The following NIPBL variants were observed in gnomAD, a reference collection of about 807,000 sequenced individuals.
NIPBL encodes NIPBL cohesin loading factor.
In NIPBL, 19 loss-of-function variants were observed where a neutral mutation model predicts 321.8. That is an observed-to-expected ratio of 0.06 (90% confidence interval 0.04 to 0.09). The LOEUF (loss-of-function observed/expected upper bound fraction) is 0.09. NIPBL is among the 10% of genes least tolerant of loss of function. The pLI, the probability that NIPBL is intolerant of heterozygous loss-of-function variation, is 1.00. For missense variants in NIPBL, 2,210 were observed against 3,327.0 expected (o/e 0.66, Z 8.26); for synonymous variants, 1,106 against 1,114.1 (o/e 0.99, Z 0.14).
intron 1 of NIPBL, among the ~76,000 whole-genome samples, chr5:36,909,913 T>A (rs1293567023): frequency 6.6e-6 from 1 of 151,940 alleles, no homozygotes; most frequent in Non-Finnish European, 1.5e-5. Flanking sequence ...CCGCCTTTAC[T>A]CAAAATACAA....
At chr5:37,029,615 G>A (rs539101529) in intron 32 of NIPBL, among the ~76,000 whole-genome samples, 2 of 152,248 alleles carry the variant, frequency 1.3e-5, no homozygotes, top group South Asian at 2.1e-4. Flanking sequence ...TATGGTGAGT[G>A]AGAAACTGCC....
intron 1 of NIPBL, among the ~76,000 whole-genome samples, chr5:36,879,430 A>C (rs939848846): frequency 1.3e-5 from 2 of 152,220 alleles, no homozygotes; most frequent in African/African-American, 4.8e-5. Context: ...CATTTCTTTA[A>C]ATTTAAAAAT....
chr5:36,956,575 T>C (rs1434647755), intron 3 of NIPBL, among the ~76,000 whole-genome samples: 1 of 150,462 alleles, frequency 6.6e-6, no homozygotes, highest in Non-Finnish European at 1.5e-5. Flanking sequence ...ATACTACTAA[T>C]ATTTTGTCAC....
intron 9 of NIPBL, among the ~76,000 whole-genome samples, chr5:36,983,540 T>C (rs3776588): frequency 0.12 from 18,566 of 151,988 alleles, 1,226 homozygotes; most frequent in Admixed American, 0.19. Context: ...ATATGATATA[T>C]CACATTAGTG....
At chr5:36,940,927 T>C (rs1032402201) in intron 1 of NIPBL, among the ~76,000 whole-genome samples, 1 of 152,186 alleles carries the variant, frequency 6.6e-6, no homozygotes, top group African/African-American at 2.4e-5. Context: ...AATTATATGT[T>C]TCGTAGTGAT....
chr5:37,038,497 C>T, intron 33 of NIPBL, 105 bp from the exon 34 acceptor site: 1 of 957,324 alleles, frequency 1.0e-6, no homozygotes, highest in Non-Finnish European at 1.6e-6. Flanking sequence ...GAGGCCTATA[C>T]TGGACCTATT....
intron 4 of NIPBL, among the ~76,000 whole-genome samples, chr5:36,960,117 G>C (rs1404354255): frequency 6.6e-6 from 1 of 151,858 alleles, no homozygotes; most frequent in Non-Finnish European, 1.5e-5. Flanking sequence ...GTTGATTTTG[G>C]GGTTGGTAAG....
chr5:37,020,694 A>G, intron 26 of NIPBL, 21 bp downstream of exon 26: 1 of 1,600,710 alleles, frequency 6.2e-7, no homozygotes, highest in Non-Finnish European at 8.6e-7. Context: ...AGGAGAAAAC[A>G]GTTTACATTT....
At chr5:36,893,689 T>C (rs1208666468) in intron 1 of NIPBL, among the ~76,000 whole-genome samples, 1 of 152,160 alleles carries the variant, frequency 6.6e-6, no homozygotes, top group Non-Finnish European at 1.5e-5. Context: ...AAAAGATCTC[T>C]CTCTTTTTTG....
chr5:37,017,897 C>T (rs1344463678), intron 24 of NIPBL, among the ~76,000 whole-genome samples: 4 of 151,978 alleles, frequency 2.6e-5, no homozygotes, highest in Non-Finnish European at 5.9e-5. Context: ...TACAAAATTT[C>T]CTTTCTCATC....
intron 20 of NIPBL, 64 bp from the exon 21 acceptor site, chr5:37,010,023 C>T (rs1747919937): frequency 1.6e-6 from 2 of 1,268,074 alleles, no homozygotes; most frequent in Admixed American, 1.7e-5. Flanking sequence ...AACTTTCAGA[C>T]AATAGATGAC....
intron 1 of NIPBL, among the ~76,000 whole-genome samples, chr5:36,932,803 T>TA (rs1270383557): frequency 1.4e-5 from 2 of 138,552 alleles, no homozygotes; most frequent in Non-Finnish European, 3.2e-5. Context: ...TTTTTTTTTT[T>TA]AAAGAACAGG....
At chr5:36,880,205 C>G (rs906103674) in intron 1 of NIPBL, among the ~76,000 whole-genome samples, 1 of 151,948 alleles carries the variant, frequency 6.6e-6, no homozygotes, top group Non-Finnish European at 1.5e-5. Flanking sequence ...GCTTCTTCAA[C>G]TAATTTCATA....
Position 37,058,982 on chromosome 5 carries a change from G to A in NIPBL, c.7502G>A (p.Arg2501Gln), listed in dbSNP as rs775181656. ...AGTGAAGAAGAAGTTTCCAGGCCTC[G>A]GAAGTCACGGAAACGTGTAGATTCA... ...SDSEEEVSRPRKSRKRVDSDS... is the reference protein window; with the variant it reads ...SDSEEEVSRPQKSRKRVDSDS... Residue 2501 changes from arginine to glutamine, a missense_variant, in exon 44 of 47, where the codon CGG becomes CAG. Arg to Gln is a conservative substitution (Grantham distance 43). This residue lies in a region of NIPBL where 79 missense variants were observed against 90.8 expected (regional missense o/e 0.87). Transcript: ENST00000282516. The A allele has an allele frequency of 8.7e-6, 14 of 1,614,028 alleles. No individual in the cohort carries two copies. Among genetic ancestry groups the A allele is most frequent in the Non-Finnish European group, 1.2e-5 (14 of 1,180,018 alleles).
chr5:36,991,723 C>T (rs942719179), intron 10 of NIPBL, among the ~76,000 whole-genome samples: 1 of 148,056 alleles, frequency 6.8e-6, no homozygotes, highest in Non-Finnish European at 1.5e-5. Flanking sequence ...TGTCACTGAA[C>T]TATTCCATTA....
rs778853918 is a variant in NIPBL at position 36,976,051 on chromosome 5, A to G, written c.1144A>G (p.Asn382Asp). Reference sequence around the variant, plus strand: ...AGAGGATATGATTTCTGGTGTGGAAAATAGCAATGTTTCAGAAAATGATAT... The same window carrying G: ...AGAGGATATGATTTCTGGTGTGGAAGATAGCAATGTTTCAGAAAATGATAT... ...QQEDMISGVE[N>D]SNVSENDIPF... Residue 382 changes from asparagine to aspartate, a missense_variant, in exon 9 of 47, where the codon AAT (asparagine) becomes GAT (aspartate). This residue lies in a region of NIPBL where 464 missense variants were observed against 529.5 expected (regional missense o/e 0.88). Transcript: ENST00000282516. 1.4e-5 allele frequency: 23 copies of G among 1,613,908 alleles called. No homozygotes were observed. The highest frequency in any genetic ancestry group is 1.7e-5 in the Non-Finnish European group (20 of 1,179,944).
At chr5:37,047,188 C>A (rs768300273) in intron 38 of NIPBL, among the ~76,000 whole-genome samples, 1 of 152,072 alleles carries the variant, frequency 6.6e-6, no homozygotes, top group Non-Finnish European at 1.5e-5. Context: ...ATTTTGGTAT[C>A]CCTGGGAGGT....
At chr5:36,930,248 A>G (rs552410483) in intron 1 of NIPBL, among the ~76,000 whole-genome samples, 2 of 152,234 alleles carry the variant, frequency 1.3e-5, no homozygotes, top group South Asian at 4.1e-4. Flanking sequence ...AGTGTCTTAT[A>G]ACAGTGTGCA....
Position 37,060,885 on chromosome 5 carries a change from A to T in NIPBL, c.7727A>T (p.Tyr2576Phe). 1 of 1,614,082 alleles carries T rather than the reference A, an allele frequency of 6.2e-7. No individual in the cohort carries two copies. The highest frequency in any genetic ancestry group is 8.5e-7 in the Non-Finnish European group (1 of 1,179,970). The change falls in exon 45 of 47, where the codon TAT (tyrosine) becomes TTT (phenylalanine). Residue 2576 changes from tyrosine (Y) to phenylalanine (F), a missense_variant. Transcript: ENST00000282516. ...TCTCCATCTGAATCTGCAAAAGTAT[A>T]TGATAAAGCGATAAACCGAAAAACA... is the stretch of plus-strand genomic sequence containing the variant. ...KYSPSESAKV[Y>F]DKAINRKTGV...
Sources: allele counts gnomAD v4.1 joint callset (sites outside exome capture counted in the v4.1 genomes callset), GRCh38; gene constraint gnomAD v4.1.1; regional missense constraint gnomAD v4.1.1; transcripts MANE v1.5; gene names NCBI Gene and HGNC (gene_info 2026-07-23, HGNC 2026-07-21).